RP1: variants seen among roughly 807,000 people sequenced by gnomAD.
RP1 encodes the protein oxygen-regulated protein 1.
RP1 carries 16 observed loss-of-function variants against 14.8 expected under a neutral mutation model. The ratio of observed to expected loss-of-function variants is 1.08; its 90% CI spans 0.73 to 1.65. The LOEUF (loss-of-function observed/expected upper bound fraction) is 1.65, where lower values mean the gene tolerates loss of function less well. Ranked by LOEUF, RP1 falls within the 40% of genes most tolerant of loss-of-function variation. The pLI is 0.00. For missense variants in RP1, 2,631 were observed against 2,535.0 expected, an observed-to-expected ratio of 1.04 and a Z score of -0.81; for synonymous variants, 876 against 883.6, an observed-to-expected ratio of 0.99 and a Z score of 0.15.
intron 24 of RP1, among the ~76,000 whole-genome samples, chr8:54,786,646 A>G (rs182204262): frequency 6.6e-5 from 10 of 152,252 alleles, no homozygotes; most frequent in Admixed American, 4.6e-4. Context: ...TCAGAGTTCT[A>G]GATAATTCCA....
intron 15 of RP1, among the ~76,000 whole-genome samples, chr8:54,715,993 A>G (rs144774456): frequency 1.6e-3 from 248 of 152,340 alleles, no homozygotes; most frequent in African/African-American, 5.7e-3. Flanking sequence ...GTCATGAGCA[A>G]TTCCTTGAGA....
intron 22 of RP1, among the ~76,000 whole-genome samples, chr8:54,768,381 A>G (rs1260681116): frequency 6.6e-6 from 1 of 152,034 alleles, no homozygotes; most frequent in African/African-American, 2.4e-5. Context: ...ATCTTTACAT[A>G]TCTGTTTCCT....
intron 3 of RP1, among the ~76,000 whole-genome samples, chr8:54,637,506 A>T (rs930377382): frequency 2.0e-5 from 3 of 152,250 alleles, no homozygotes; most frequent in African/African-American, 7.2e-5. Flanking sequence ...TCAAAATAAA[A>T]AATAGACCAC....
chr8:54,691,785 T>A (rs982406455), intron 12 of RP1, among the ~76,000 whole-genome samples: 1 of 151,860 alleles, frequency 6.6e-6, no homozygotes, highest in African/African-American at 2.4e-5. Flanking sequence ...ATATATATAT[T>A]TTTCAAAGTC....
intron 24 of RP1, among the ~76,000 whole-genome samples, chr8:54,817,625 G>A (rs965758058): frequency 2.6e-5 from 4 of 152,210 alleles, no homozygotes; most frequent in Admixed American, 1.3e-4. Context: ...ATTTCTATGA[G>A]CAAAATAAAA....
chr8:54,784,361 C>G (rs1434206726), intron 24 of RP1, among the ~76,000 whole-genome samples: 1 of 152,056 alleles, frequency 6.6e-6, no homozygotes, highest in Non-Finnish European at 1.5e-5. Flanking sequence ...TTTTGTAGCA[C>G]CCTGTATTAC....
chr8:54,622,001 C>T (rs1261886656), intron 2 of RP1, 116 bp from the exon 3 acceptor site: 11 of 1,021,498 alleles, frequency 1.1e-5, no homozygotes, highest in Non-Finnish European at 1.6e-5. Flanking sequence ...AGAAAATGCT[C>T]AGTGATGATG....
At chr8:54,734,212 C>G (rs572581849) in intron 17 of RP1, among the ~76,000 whole-genome samples, 1 of 152,086 alleles carries the variant, frequency 6.6e-6, no homozygotes, top group Admixed American at 6.6e-5. Flanking sequence ...GTAGGTCAAG[C>G]AGGCAGCTTT....
chr8:54,634,247 T>A (rs1806306822), downstream of RP1, among the ~76,000 whole-genome samples: 1 of 152,204 alleles, frequency 6.6e-6, no homozygotes, highest in South Asian at 2.1e-4. Context: ...TGCCAAAGAT[T>A]GTATTTAACT....
At chr8:54,696,799 G>A (rs1807876386) in intron 12 of RP1, 2 of 727,582 alleles carry the variant, frequency 2.7e-6, no homozygotes, top group Admixed American at 3.6e-5. Flanking sequence ...CACGTATAGT[G>A]GAACGTTATG....
chr8:54,817,122 C>T (rs1811151954), intron 24 of RP1, among the ~76,000 whole-genome samples: 1 of 152,094 alleles, frequency 6.6e-6, no homozygotes, highest in Non-Finnish European at 1.5e-5. Context: ...TGTTCATTGT[C>T]TGTCTTGTCT....
At chr8:54,663,413 C>A (rs1271581240) in intron 6 of RP1, among the ~76,000 whole-genome samples, 1 of 152,074 alleles carries the variant, frequency 6.6e-6, no homozygotes, top group Admixed American at 6.6e-5. Context: ...GTGGTAAGAA[C>A]AAGTTTTCTG....
chr8:54,633,735 C>CTATATATA (rs1348966106), downstream of RP1, among the ~76,000 whole-genome samples: 110 of 126,462 alleles, frequency 8.7e-4, no homozygotes, highest in African/African-American at 3.0e-3. Context: ...CTCTCTCTCT[C>CTATATATA]TCTATATATA....
chr8:54,808,050 G>T (rs1319472543), intron 24 of RP1, among the ~76,000 whole-genome samples: 1 of 151,954 alleles, frequency 6.6e-6, no homozygotes, highest in Non-Finnish European at 1.5e-5. Flanking sequence ...CCATGGCCCT[G>T]TCAAGTAACC....
intron 3 of RP1, among the ~76,000 whole-genome samples, chr8:54,622,913 T>C (rs1466250564): frequency 6.6e-6 from 1 of 152,254 alleles, no homozygotes; most frequent in Non-Finnish European, 1.5e-5. Context: ...TGGGATAAGC[T>C]GTAAATTGCC....
At chr8:54,807,315 T>G (rs1810876181) in intron 24 of RP1, among the ~76,000 whole-genome samples, 1 of 152,212 alleles carries the variant, frequency 6.6e-6, no homozygotes, top group South Asian at 2.1e-4. Flanking sequence ...GAACAAATTC[T>G]TTTGAACTGG....
chr8:54,604,486 G>A (rs1462120471), intron 1 of RP1, among the ~76,000 whole-genome samples: 4 of 152,148 alleles, frequency 2.6e-5, no homozygotes, highest in African/African-American at 9.7e-5. Flanking sequence ...CAGGGATATC[G>A]GTCTAAAATT....
chr8:54,749,972 T>C (rs1307104538), intron 19 of RP1, among the ~76,000 whole-genome samples: 1 of 152,042 alleles, frequency 6.6e-6, no homozygotes, highest in Non-Finnish European at 1.5e-5. Flanking sequence ...GAGAAGCTAC[T>C]TCAGATTGGC....
chr8:54,633,303 G>A (rs1431664570), downstream of RP1, among the ~76,000 whole-genome samples: 1 of 152,088 alleles, frequency 6.6e-6, no homozygotes, highest in Non-Finnish European at 1.5e-5. Context: ...AGCCCAATTT[G>A]GGGACTATGG....
Sources: allele counts gnomAD v4.1 joint callset (sites outside exome capture counted in the v4.1 genomes callset), GRCh38; gene constraint gnomAD v4.1.1; transcripts MANE v1.5; gene names NCBI Gene and HGNC (gene_info 2026-07-23, HGNC 2026-07-21).